The following AP3D1 variants were observed in gnomAD, a reference collection of about 807,000 sequenced individuals.
AP3D1 encodes the protein AP-3 complex subunit delta-1.
Under a neutral mutation model 147.6 loss-of-function variants are expected in AP3D1, and 51 were observed. The ratio of observed to expected loss-of-function variants is 0.35; its 90% CI spans 0.28 to 0.44. The LOEUF is 0.44. Ranked by LOEUF, AP3D1 falls within the 20% of genes least tolerant of loss-of-function variation. AP3D1 has a pLI of 1.00. For synonymous variants in AP3D1, 760 were observed against 663.0 expected (o/e 1.15, Z -2.25); for missense variants, 1,421 against 1,624.2 (o/e 0.87, Z 2.15).
At chr19:2,106,154 A>G (rs2018105844) in intron 31 of AP3D1, among the ~76,000 whole-genome samples, 1 of 152,192 alleles carries the variant, frequency 6.6e-6, no homozygotes, top group Admixed American at 6.5e-5. Flanking sequence ...GGCCTCCTGC[A>G]CGGCAGCAGG....
Position 2,121,262 on chromosome 19 carries a change from A to G in AP3D1, c.1151T>C (p.Val384Ala). Residue 384 changes from valine (V) to alanine (A), a missense_variant, in exon 13 of 32, where the codon GTA (valine) becomes GCA (alanine). Around this residue, in one of 6 missense-constraint regions of AP3D1, gnomAD observed 310 missense variants for 388.1 expected, o/e 0.80. Transcript: ENST00000643116. ...GTAGGTGGTACCCTCTGCCTTGTCT[A>G]CGTGGGTCATCAGCTTCTTCACGAT... Reference protein sequence around the residue: ...MEIVKKLMTHVDKAEGTTYRD... With the variant: ...MEIVKKLMTHADKAEGTTYRD... 6.2e-7 allele frequency: 1 copy of G among 1,614,164 alleles called. No individual in the cohort carries two copies. Among genetic ancestry groups the G allele is most frequent in the Non-Finnish European group, 8.5e-7 (1 of 1,180,002 alleles).
chr19:2,154,157 A>G (rs2019626584), upstream of AP3D1, among the ~76,000 whole-genome samples: 1 of 152,128 alleles, frequency 6.6e-6, no homozygotes, highest in Non-Finnish European at 1.5e-5. Flanking sequence ...CATGTTGGCC[A>G]GGCTGGCCTC....
chr19:2,104,464 C>T (rs986512259), intron 31 of AP3D1, among the ~76,000 whole-genome samples: 6 of 151,382 alleles, frequency 4.0e-5, no homozygotes, highest in African/African-American at 1.5e-4. Context: ...ACCCCAACGC[C>T]AAGACACCAA....
chr19:2,133,041 G>A (rs1199976113), intron 4 of AP3D1, among the ~76,000 whole-genome samples: 2 of 152,178 alleles, frequency 1.3e-5, no homozygotes, highest in African/African-American at 4.8e-5. Context: ...GCCACCCCGG[G>A]TGCAAGAGCA....
In AP3D1 at chr19:2,136,910, C is replaced by A. The variant is rs1427136122; in HGVS notation, c.354+101G>T. The A allele has an allele frequency of 5.2e-6, 6 of 1,144,726 alleles. No homozygotes were observed. In the African/African-American group the frequency reaches 9.3e-5, roughly 18 times the overall value. 70.9% of individuals were successfully genotyped at this position (1,144,726 alleles called of 1,614,324 possible). On this transcript the variant is annotated intron_variant, in intron 4 of 31. Coordinates refer to ENST00000643116, the MANE Select transcript of AP3D1 (RefSeq NM_001261826.3). ...GCCCCGCTCGCACTCAAGGGGGCCA[C>A]AGGCACCTGCTGCCCACAGGAAGAC...
In AP3D1 at chr19:2,110,155, G is replaced by T; in HGVS notation, c.3245C>A (p.Thr1082Asn). ...GCATACCTTGGCAATGAAGGACAGG[G>T]TCCCCTTGAGCTTCTGCGCCATGAC... ...SIVMAQKLKG[T>N]LSFIAKNDEG... Residue 1082 changes from threonine to asparagine, a missense_variant, in exon 28 of 32, where the codon ACC (threonine) becomes AAC (asparagine). Thr to Asn is a moderately conservative substitution (Grantham distance 65, BLOSUM62 0). This residue lies in a region of AP3D1 where 791 missense variants were observed against 761.4 expected (regional missense o/e 1.04). Coordinates refer to ENST00000643116, the MANE Select transcript of AP3D1 (RefSeq NM_001261826.3). 6.2e-7 allele frequency: 1 copy of T among 1,613,004 alleles called. No individual in the cohort carries two copies. Among genetic ancestry groups the T allele is most frequent in the Non-Finnish European group, 8.5e-7 (1 of 1,179,912 alleles).
At chr19:2,114,102 G>T in intron 22 of AP3D1, 23 bp downstream of exon 22, 1 of 1,545,986 alleles carries the variant, frequency 6.5e-7, no homozygotes, top group Non-Finnish European at 8.7e-7. Flanking sequence ...GGAGAAGGCC[G>T]CCGCCCTGGG....
chr19:2,102,903 C>G (rs888945640), intron 31 of AP3D1, among the ~76,000 whole-genome samples: 9 of 152,024 alleles, frequency 5.9e-5, no homozygotes, highest in Non-Finnish European at 7.4e-5. Context: ...GAGTTGAGAT[C>G]ATTCCACCAC....
In AP3D1 at chr19:2,137,029, G is replaced by A; in HGVS notation, c.336C>T (p.Thr112=). The A allele has an allele frequency of 6.3e-7, 1 of 1,593,744 alleles. No homozygotes were observed. The highest frequency in any genetic ancestry group is 8.5e-7 in the Non-Finnish European group (1 of 1,170,388). Residue 112 remains threonine (T), a synonymous_variant, in exon 4 of 32, where the codon ACC becomes ACT. Transcript: ENST00000643116. The stretch of plus-strand genomic sequence containing the variant: ...CACCCACCTTACGGATCTGATTGGT[G>A]GTCAGCATGATGACGTCGGTGCCTT... ...FHEGTDVIML[T]TNQIRKDLSS... is the part of the protein sequence containing the mutation.
At position 2,131,678 on chromosome 19, in the gene AP3D1, C is replaced by T. The variant is rs1308181312; in HGVS notation, c.462+793G>A. 2.7e-5 allele frequency among the ~76,000 whole-genome samples: 2 copies of T among 74,358 alleles called. 1 individual carries two copies. Among genetic ancestry groups the T allele is most frequent in the African/African-American group, 9.3e-5 (2 of 21,414 alleles). 48.8% of individuals were successfully genotyped at this position (74,358 alleles called of 152,430 possible). On this transcript the variant is annotated intron_variant, in intron 5 of 31. Coordinates refer to ENST00000643116, the MANE Select transcript of AP3D1 (RefSeq NM_001261826.3). Reference sequence around the variant, plus strand: ...CGGACAGGCAGCCACGCGGGGACTGCGCCCATCGGCCACGATCTAGACACC... The same window carrying T: ...CGGACAGGCAGCCACGCGGGGACTGTGCCCATCGGCCACGATCTAGACACC...
chr19:2,146,767 G>A (rs775634402), intron 1 of AP3D1, among the ~76,000 whole-genome samples: 8 of 152,104 alleles, frequency 5.3e-5, no homozygotes, highest in African/African-American at 1.9e-4. Flanking sequence ...CAACAGGGAC[G>A]CATTCGGGAA....
chr19:2,114,062 T>G, intron 22 of AP3D1, 63 bp downstream of exon 22: 1 of 1,516,688 alleles, frequency 6.6e-7, no homozygotes, highest in Non-Finnish European at 8.8e-7. Flanking sequence ...CACCGCTGTC[T>G]CCTGGGAGTT....
intron 23 of AP3D1, 110 bp downstream of exon 23, chr19:2,113,226 T>C (rs2018337537): frequency 1.5e-6 from 1 of 675,652 alleles, no homozygotes; most frequent in Non-Finnish European, 2.5e-6. Context: ...AGGTGCACGG[T>C]GCTGACCGCG....
At chr19:2,133,030 G>GCCCACACTT in intron 4 of AP3D1, among the ~76,000 whole-genome samples, 1 of 152,300 alleles carries the variant, frequency 6.6e-6, no homozygotes, top group Admixed American at 6.5e-5. Context: ...TGTGGGGAAG[G>GCCCACACTT]GCCACCCCGG....
chr19:2,137,937 C>A, intron 2 of AP3D1, 130 bp from the exon 3 acceptor site: 45 of 586,030 alleles, frequency 7.7e-5, no homozygotes, highest in Non-Finnish European at 1.1e-4. Flanking sequence ...GCAAACCACC[C>A]AATACGTACC....
At position 2,117,226 on chromosome 19, in the gene AP3D1, C is replaced by T. The variant is rs1348418580; in HGVS notation, c.1855G>A (p.Glu619Lys). 3.1e-6 allele frequency: 5 copies of T among 1,606,962 alleles called. No individual in the cohort carries two copies. The highest frequency in any genetic ancestry group is 1.3e-5 in the African/African-American group (1 of 74,776). ...CCCCCACCCCCGTATCCTTACCCTT[C>T]GGGGACTGGAACCTTCTTCTGGGCC... ...PKAQKKVPVP[E>K]GLDLDAWINE... The change falls in exon 16 of 32, where the codon GAA (glutamate) becomes AAA (lysine). Residue 619 changes from glutamate to lysine, a missense_variant. Physicochemically the swap from Glu to Lys is moderately conservative, Grantham distance 56. This residue lies in a region of AP3D1 where 791 missense variants were observed against 761.4 expected (regional missense o/e 1.04). Transcript: ENST00000643116.
At chr19:2,161,405 GC>G (rs1271593739) in intron 1 of AP3D1, among the ~76,000 whole-genome samples, 1 of 151,556 alleles carries the variant, frequency 6.6e-6, no homozygotes, top group African/African-American at 2.4e-5. Context: ...CAGGTGATCC[GC>G]CCCCCTCAGC....
intron 1 of AP3D1, 142 bp downstream of exon 1, chr19:2,151,097 G>C: frequency 2.7e-6 from 2 of 738,298 alleles, no homozygotes; most frequent in Non-Finnish European, 4.1e-6. Context: ...GCCCAGGCCA[G>C]GCAGGGCCGG....
intron 1 of AP3D1, among the ~76,000 whole-genome samples, chr19:2,157,632 C>G (rs1364812352): frequency 4.0e-5 from 6 of 148,892 alleles, no homozygotes; most frequent in African/African-American, 1.2e-4. Flanking sequence ...CACCCACCCA[C>G]CCATCCACCC....
Sources: gnomAD v4.1 joint callset for allele counts (sites outside exome capture counted in the v4.1 genomes callset) on GRCh38, gnomAD v4.1.1 for gene constraint, gnomAD v4.1.1 regional missense constraint, MANE v1.5 for transcripts, NCBI Gene and HGNC (gene_info 2026-07-23, HGNC 2026-07-21) for gene names.